Variants in NXPH1 observed in about 807,000 individuals in gnomAD.
NXPH1 encodes neurexophilin-1.
In NXPH1, 5 loss-of-function variants were observed where a neutral mutation model predicts 23.7. The observed-to-expected ratio is 0.21, with a 90% CI of 0.11 to 0.44. The LOEUF (loss-of-function observed/expected upper bound fraction) is 0.44. Among genes scored for constraint, NXPH1 ranks in the 20% least tolerant of loss-of-function variants. The pLI, the probability that NXPH1 is intolerant of heterozygous loss-of-function variation, is 0.99. For synonymous variants in NXPH1, 144 were observed against 122.2 expected, an observed-to-expected ratio of 1.18 and a Z score of -1.18; for missense variants, 324 against 321.6, an observed-to-expected ratio of 1.01 and a Z score of -0.06.
intron 2 of NXPH1, among the ~76,000 whole-genome samples, chr7:8,531,854 C>G (rs1019082168): frequency 1.3e-5 from 2 of 152,164 alleles, no homozygotes; most frequent in Non-Finnish European, 2.9e-5. Flanking sequence ...GGTGTTAAAG[C>G]AGTAGCAGTA....
intron 2 of NXPH1, among the ~76,000 whole-genome samples, chr7:8,518,937 C>G (rs910685658): frequency 6.6e-6 from 1 of 151,794 alleles, no homozygotes; most frequent in South Asian, 2.1e-4. Flanking sequence ...TTTTTTCTCC[C>G]CAAAGGCTGG....
In NXPH1 at chr7:8,650,798, G is replaced by A. The variant is rs1337758060; in HGVS notation, c.55-100210G>A. Among the ~76,000 whole-genome samples the A allele has an allele frequency of 3.2e-4, 48 of 152,142 alleles. 1 individual carries two copies. The highest frequency in any genetic ancestry group is 3.1e-3 in the Admixed American group (48 of 15,260). ...CAGTGCTGTTGAAATAAAGGTAGAA[G>A]CCACTAATACAGACGTAAGTAGTAT... On this transcript the variant is annotated intron_variant, in intron 2 of 2. Transcript: ENST00000405863.
At chr7:8,589,087 G>A (rs1275052341) in intron 2 of NXPH1, among the ~76,000 whole-genome samples, 3 of 152,094 alleles carry the variant, frequency 2.0e-5, no homozygotes, top group Non-Finnish European at 4.4e-5. Context: ...AAGTTTGCCT[G>A]CTTTCACACC....
chr7:8,487,371 A>G (rs915597365), intron 2 of NXPH1, among the ~76,000 whole-genome samples: 1 of 152,150 alleles, frequency 6.6e-6, no homozygotes, highest in Non-Finnish European at 1.5e-5. Flanking sequence ...GTTCCCCTGC[A>G]CATGCTCTCT....
chr7:8,673,731 C>T (rs531246143), intron 2 of NXPH1, among the ~76,000 whole-genome samples: 20 of 152,096 alleles, frequency 1.3e-4, no homozygotes, highest in South Asian at 8.3e-4. Context: ...CAACAGTCTT[C>T]GGCAAAGACT....
chr7:8,597,105 A>T (rs1338067507), intron 2 of NXPH1, among the ~76,000 whole-genome samples: 1 of 151,992 alleles, frequency 6.6e-6, no homozygotes. Flanking sequence ...TAGCAAATAT[A>T]AGAGATTTGC....
chr7:8,584,778 C>T (rs1300432238), intron 2 of NXPH1, among the ~76,000 whole-genome samples: 1 of 152,190 alleles, frequency 6.6e-6, no homozygotes, highest in Non-Finnish European at 1.5e-5. Context: ...AGTAATTTCA[C>T]AATCCTTTTG....
chr7:8,611,238 G>A (rs1024871696), intron 2 of NXPH1, among the ~76,000 whole-genome samples: 2 of 152,260 alleles, frequency 1.3e-5, no homozygotes, highest in East Asian at 3.9e-4. Flanking sequence ...AAGACTACAT[G>A]ATATAATTTG....
At chr7:8,619,469 T>C (rs1353085727) in intron 2 of NXPH1, among the ~76,000 whole-genome samples, 1 of 152,238 alleles carries the variant, frequency 6.6e-6, no homozygotes, top group Non-Finnish European at 1.5e-5. Context: ...TGTTCAATGC[T>C]CTTTCAGATA....
At chr7:8,456,709 A>G (rs1175785177) in intron 2 of NXPH1, among the ~76,000 whole-genome samples, 1 of 152,204 alleles carries the variant, frequency 6.6e-6, no homozygotes, top group Non-Finnish European at 1.5e-5. Context: ...AACTTTTTAC[A>G]TCCAAATCCA....
Position 8,539,311 on chromosome 7 carries a change from G to A in NXPH1, c.54+103544G>A, listed in dbSNP as rs150027715. Among the ~76,000 whole-genome samples, 214 of 151,874 alleles carry A rather than the reference G, an allele frequency of 1.4e-3. 6 individuals are homozygous for A. The East Asian group carries it at 0.033, about 24-fold the overall frequency. ...AACTTGCAGAAAAACAGCTAAAGAA[G>A]CTGCAAGTGGCTATACTTGGAGAAT... On this transcript the variant is annotated intron_variant, in intron 2 of 2. Coordinates refer to ENST00000405863, the MANE Select transcript of NXPH1 (RefSeq NM_152745.3).
intron 2 of NXPH1, among the ~76,000 whole-genome samples, chr7:8,707,109 T>C (rs1562460555): frequency 6.6e-6 from 1 of 152,220 alleles, no homozygotes; most frequent in Non-Finnish European, 1.5e-5. Context: ...AGTTTGACTT[T>C]TACTATTTAA....
At chr7:8,483,258 A>G (rs1384805920) in intron 2 of NXPH1, among the ~76,000 whole-genome samples, 1 of 152,182 alleles carries the variant, frequency 6.6e-6, no homozygotes, top group Non-Finnish European at 1.5e-5. Context: ...CTCTACATCC[A>G]TATTTATAAA....
intron 2 of NXPH1, among the ~76,000 whole-genome samples, chr7:8,678,625 C>T (rs547415684): frequency 1.1e-4 from 17 of 152,236 alleles, no homozygotes; most frequent in Middle Eastern, 3.4e-3. Flanking sequence ...ATCTCACTCC[C>T]ACTGCTCTCA....
intron 2 of NXPH1, among the ~76,000 whole-genome samples, chr7:8,569,330 T>C (rs1465651720): frequency 6.6e-6 from 1 of 151,934 alleles, no homozygotes; most frequent in Non-Finnish European, 1.5e-5. Flanking sequence ...GAAAGGGATA[T>C]ACGTTGTTAG....
intron 2 of NXPH1, among the ~76,000 whole-genome samples, chr7:8,457,712 C>G (rs778349449): frequency 6.6e-6 from 1 of 152,018 alleles, no homozygotes; most frequent in African/African-American, 2.4e-5. Flanking sequence ...TCCTGGCTCA[C>G]CTGAAATATT....
chr7:8,710,213 G>A (rs142437394), intron 2 of NXPH1, among the ~76,000 whole-genome samples: 381 of 152,326 alleles, frequency 2.5e-3, no homozygotes, highest in Non-Finnish European at 4.0e-3. Context: ...TGCAAGTTGA[G>A]CAGTTTATTC....
chr7:8,611,232 C>A (rs894799846), intron 2 of NXPH1, among the ~76,000 whole-genome samples: 2 of 152,134 alleles, frequency 1.3e-5, no homozygotes, highest in African/African-American at 4.8e-5. Flanking sequence ...AGGCAGAAGA[C>A]TACATGATAT....
intron 2 of NXPH1, among the ~76,000 whole-genome samples, chr7:8,697,968 A>C (rs1274040552): frequency 6.6e-6 from 1 of 152,216 alleles, no homozygotes; most frequent in Non-Finnish European, 1.5e-5. Context: ...ATTGCATTCT[A>C]AGTGTGGCAG....
Sources: gnomAD v4.1 joint callset for allele counts (sites outside exome capture counted in the v4.1 genomes callset) on GRCh38, gnomAD v4.1.1 for gene constraint, MANE v1.5 for transcripts, NCBI Gene and HGNC (gene_info 2026-07-23, HGNC 2026-07-21) for gene names.